ABHD3: variants seen among roughly 807,000 people sequenced by gnomAD.
ABHD3 encodes phospholipase ABHD3.
ABHD3 carries 46 observed loss-of-function variants against 48.8 expected under a neutral mutation model. The observed-to-expected ratio is 0.94, with a 90% CI of 0.74 to 1.20. ABHD3 has a LOEUF of 1.20. Ranked by LOEUF, ABHD3 falls within the 50% of genes most tolerant of loss-of-function variation. The probability of loss-of-function intolerance (pLI) is 0.00; values close to 1 mark genes in which losing one functional copy is unlikely to be tolerated. For missense variants in ABHD3, 490 were observed against 497.8 expected (o/e 0.98, Z 0.15); for synonymous variants, 192 against 183.7 (o/e 1.04, Z -0.36).
intron 3 of ABHD3, among the ~76,000 whole-genome samples, chr18:21,698,030 A>G (rs887656313): frequency 6.6e-6 from 1 of 152,094 alleles, no homozygotes; most frequent in African/African-American, 2.4e-5. Flanking sequence ...CAGGATGGCA[A>G]GTGCACCCTG....
intron 3 of ABHD3, among the ~76,000 whole-genome samples, chr18:21,689,224 T>C (rs1016159527): frequency 1.3e-5 from 2 of 152,080 alleles, no homozygotes; most frequent in Non-Finnish European, 2.9e-5. Context: ...AGTTGGGTAT[T>C]ACTCAATGAT....
chr18:21,697,133 T>C (rs1301868863), intron 3 of ABHD3, among the ~76,000 whole-genome samples: 9 of 149,728 alleles, frequency 6.0e-5, no homozygotes. Flanking sequence ...TGGAGTGCAG[T>C]GGTGCGATCT....
chr18:21,686,927 T>C (rs1376817192), intron 3 of ABHD3, among the ~76,000 whole-genome samples: 1 of 152,202 alleles, frequency 6.6e-6, no homozygotes, highest in Non-Finnish European at 1.5e-5. Flanking sequence ...CTTCTTCTTT[T>C]TTTCTTTAGA....
At chr18:21,668,236 G>C (rs1180905147) in intron 4 of ABHD3, among the ~76,000 whole-genome samples, 1 of 123,606 alleles carries the variant, frequency 8.1e-6, no homozygotes, top group Admixed American at 8.0e-5. Context: ...AAAAAGAAAA[G>C]AAAATATCTT....
intron 8 of ABHD3, 63 bp from the exon 9 acceptor site, chr18:21,651,826 T>C: frequency 1.4e-6 from 2 of 1,441,940 alleles, no homozygotes; most frequent in Non-Finnish European, 1.9e-6. Flanking sequence ...ATAATCATTA[T>C]GTTTTTGTCA....
intron 8 of ABHD3, among the ~76,000 whole-genome samples, chr18:21,656,401 A>C (rs1323153509): frequency 6.6e-6 from 1 of 152,122 alleles, no homozygotes; most frequent in Non-Finnish European, 1.5e-5. Context: ...TTTAAATATG[A>C]CCTTCTAGTC....
Position 21,703,126 on chromosome 18 carries a change from T to C in ABHD3, c.326+458A>G, listed in dbSNP as rs559567088. 2.0e-4 allele frequency among the ~76,000 whole-genome samples: 30 copies of C among 151,964 alleles called. 1 individual carries two copies. The East Asian group carries it at 5.6e-3, about 28-fold the overall frequency. ...GTATCTTTAACACATCAAGAGCTAT[T>C]ATCATCAAGATCCCATTTGCCTGTC... On this transcript the variant is annotated intron_variant, in intron 2 of 8. Coordinates refer to ENST00000289119, the MANE Select transcript of ABHD3 (RefSeq NM_138340.5).
At chr18:21,698,822 C>T (rs1415262846) in intron 3 of ABHD3, among the ~76,000 whole-genome samples, 1 of 152,110 alleles carries the variant, frequency 6.6e-6, no homozygotes, top group Middle Eastern at 3.2e-3. Context: ...CTCAGGTGAT[C>T]CACCCACCTT....
At chr18:21,701,193 A>G (rs1490346713) in intron 3 of ABHD3, 1 of 151,458 alleles carries the variant, frequency 6.6e-6, no homozygotes, top group African/African-American at 2.4e-5. Context: ...TACATCAAAC[A>G]TCAAAATGTT....
At chr18:21,663,636 T>C in intron 5 of ABHD3, 1 of 1,526,998 alleles carries the variant, frequency 6.5e-7, no homozygotes, top group Non-Finnish European at 8.8e-7. Flanking sequence ...CCACAGTAGT[T>C]CCATTTGCCC....
In ABHD3 at chr18:21,659,945, C is replaced by T. The variant is rs1395973002; in HGVS notation, c.669-602G>A. On this transcript the variant is annotated intron_variant, in intron 5 of 8. Coordinates refer to ENST00000289119, the MANE Select transcript of ABHD3 (RefSeq NM_138340.5). ...TTGGCCTCCCAAAGTGCTGAGATTA[C>T]AGCCGTTGCACCCGGCCTTTTTTTT... 4.7e-5 allele frequency among the ~76,000 whole-genome samples: 7 copies of T among 147,390 alleles called. No individual in the cohort carries two copies. The Middle Eastern group carries it at 0.014, about 303-fold the overall frequency.
At chr18:21,672,833 C>T (rs1257076798) in intron 4 of ABHD3, among the ~76,000 whole-genome samples, 1 of 151,338 alleles carries the variant, frequency 6.6e-6, no homozygotes. Context: ...ACCATCATTT[C>T]ACCCAGTCAT....
intron 3 of ABHD3, among the ~76,000 whole-genome samples, chr18:21,695,991 T>A (rs2040360721): frequency 6.6e-6 from 1 of 152,182 alleles, no homozygotes; most frequent in Non-Finnish European, 1.5e-5. Context: ...TTAATATTAG[T>A]TGGGGGTGGA....
At chr18:21,699,939 G>A (rs938799726) in intron 3 of ABHD3, among the ~76,000 whole-genome samples, 1 of 152,230 alleles carries the variant, frequency 6.6e-6, no homozygotes, top group Non-Finnish European at 1.5e-5. Context: ...GCCTGTGGAT[G>A]AGTGCTGGGA....
At chr18:21,672,419 C>T (rs1326652420) in intron 4 of ABHD3, among the ~76,000 whole-genome samples, 12 of 152,188 alleles carry the variant, frequency 7.9e-5, no homozygotes, top group Admixed American at 7.2e-4. Context: ...CTGAAAAAGA[C>T]ACACGAATGC....
At chr18:21,654,902 T>C (rs1367926877) in intron 8 of ABHD3, 1 of 152,226 alleles carries the variant, frequency 6.6e-6, no homozygotes, top group Non-Finnish European at 1.5e-5. Flanking sequence ...GGTTAAAATG[T>C]TGGGAACTTT....
At chr18:21,659,794 G>C (rs533597245) in intron 5 of ABHD3, among the ~76,000 whole-genome samples, 1 of 151,782 alleles carries the variant, frequency 6.6e-6, no homozygotes, top group Non-Finnish European at 1.5e-5. Flanking sequence ...TCAGCCTCCC[G>C]CGTAGCTGGG....
chr18:21,700,337 G>A (rs532428200), intron 3 of ABHD3, among the ~76,000 whole-genome samples: 6 of 152,030 alleles, frequency 3.9e-5, no homozygotes, highest in South Asian at 4.1e-4. Context: ...TGATCTGTCC[G>A]CCTTGACCTC....
rs2040565980 is a variant in ABHD3 at position 21,703,664 on chromosome 18, C to T, written c.246G>A (p.Pro82=). The T allele has an allele frequency of 6.2e-7, 1 of 1,614,146 alleles. No individual in the cohort carries two copies. Among genetic ancestry groups the T allele is most frequent in the Non-Finnish European group, 8.5e-7 (1 of 1,180,024 alleles). ...HCPVVTETYY[P]TVWCWEGRGQ... is the part of the protein sequence containing the mutation. ...CTCGACCCTCCCAGCACCAGACCGTCGGGTAGTACGTTTCTGTAACCACGG... is the reference window on the plus strand; with the variant it reads ...CTCGACCCTCCCAGCACCAGACCGTTGGGTAGTACGTTTCTGTAACCACGG... Residue 82 remains proline, a synonymous_variant, in exon 2 of 9, where the codon CCG becomes CCA. Transcript: ENST00000289119.
Sources: allele counts gnomAD v4.1 joint callset (sites outside exome capture counted in the v4.1 genomes callset), GRCh38; gene constraint gnomAD v4.1.1; transcripts MANE v1.5; gene names NCBI Gene and HGNC (gene_info 2026-07-23, HGNC 2026-07-21).